CHRM3: variants seen among roughly 807,000 people sequenced by gnomAD.
CHRM3 encodes cholinergic receptor muscarinic 3.
CHRM3 carries 11 observed loss-of-function variants against 41.8 expected under a neutral mutation model. The observed-to-expected ratio is 0.26, with a 90% CI of 0.17 to 0.44. The LOEUF (loss-of-function observed/expected upper bound fraction) is 0.44, where lower values mean the gene tolerates loss of function less well. CHRM3 is among the 20% of genes least tolerant of loss of function. The pLI, the probability that CHRM3 is intolerant of heterozygous loss-of-function variation, is 1.00. For missense variants in CHRM3, 571 were observed against 745.4 expected, an observed-to-expected ratio of 0.77 and a Z score of 2.72; for synonymous variants, 297 against 301.4, an observed-to-expected ratio of 0.99 and a Z score of 0.15.
In CHRM3 at chr1:239,708,736, C is replaced by CTTTTTTTTTTTTTTTTTTTTT. The variant is rs869143310; in HGVS notation, c.-147+30455_-147+30475dup. Among the ~76,000 whole-genome samples the CTTTTTTTTTTTTTTTTTTTTT allele has an allele frequency of 5.2e-4, 25 of 48,336 alleles. 2 individuals are homozygous for CTTTTTTTTTTTTTTTTTTTTT. Among genetic ancestry groups the CTTTTTTTTTTTTTTTTTTTTT allele is most frequent in the Non-Finnish European group, 7.4e-4 (21 of 28,518 alleles). 31.7% of individuals were successfully genotyped at this position (48,336 alleles called of 152,430 possible). A position where few individuals can be genotyped will look rare whatever the true frequency, so the allele number is the denominator to read the frequency against. On this transcript the variant is annotated intron_variant, in intron 5 of 6. Transcript: ENST00000676153. The stretch of plus-strand genomic sequence containing the variant: ...CTTTGTTTCTTCTGGTTTAAATTTT[C>CTTTTTTTTTTTTTTTTTTTTT]TTTTTTTTTTTTTTTTTTTTTTTTT...
chr1:239,472,174 ATTC>A (rs1328659155), intron 1 of CHRM3, among the ~76,000 whole-genome samples: 1 of 152,188 alleles, frequency 6.6e-6, no homozygotes, highest in Non-Finnish European at 1.5e-5. Flanking sequence ...TATCTCTATT[ATTC>A]TTCTAATAGC....
chr1:239,836,368 A>G (rs963772842), intron 6 of CHRM3, among the ~76,000 whole-genome samples: 4 of 152,122 alleles, frequency 2.6e-5, no homozygotes, highest in African/African-American at 9.7e-5. Context: ...GAGCCATATC[A>G]AATCATTTTC....
intron 5 of CHRM3, among the ~76,000 whole-genome samples, chr1:239,821,144 T>C (rs2149043783): frequency 6.6e-6 from 1 of 152,232 alleles, no homozygotes; most frequent in South Asian, 2.1e-4. Context: ...CTAGAAGAAA[T>C]TATTTGTGGT....
chr1:239,591,212 C>T (rs766490423), intron 3 of CHRM3, among the ~76,000 whole-genome samples: 8 of 152,038 alleles, frequency 5.3e-5, no homozygotes, highest in African/African-American at 9.7e-5. Flanking sequence ...GTGACAATTC[C>T]GCCTCTATAA....
rs533594730 is a variant in CHRM3, at chr1:239,812,736, G to A, written c.-146-14516G>A. Among the ~76,000 whole-genome samples the A allele has an allele frequency of 6.6e-5, 10 of 152,294 alleles. No individual in the cohort carries two copies. In the East Asian group the frequency reaches 1.9e-3, roughly 29 times the overall value. ...GCCACCATGGGCTGGGTGCCTACCT[G>A]TGCCAGCCCTGTGCCAAGCACATTA... On this transcript the variant is annotated intron_variant, in intron 5 of 6. Coordinates refer to ENST00000676153, the MANE Select transcript of CHRM3 (RefSeq NM_001375978.1).
intron 1 of CHRM3, among the ~76,000 whole-genome samples, chr1:239,471,250 G>GT (rs773448669): frequency 4.9e-4 from 74 of 152,048 alleles, no homozygotes; most frequent in South Asian, 6.2e-4. Context: ...TTTTCTTTTT[G>GT]TATCAAAAAG....
At chr1:239,859,427 T>TTTTG (rs1675411484) in intron 6 of CHRM3, among the ~76,000 whole-genome samples, 1 of 145,650 alleles carries the variant, frequency 6.9e-6, no homozygotes. Flanking sequence ...TTGTTTTTTT[T>TTTTG]TTTTGTTTTT....
At chr1:239,903,187 AGATTCACAGGAT>A (rs1461813545) in intron 6 of CHRM3, among the ~76,000 whole-genome samples, 1 of 152,208 alleles carries the variant, frequency 6.6e-6, no homozygotes, top group Non-Finnish European at 1.5e-5. Context: ...GGGGCTCTTC[AGATTCACAGGAT>A]GAAATGAACT....
chr1:239,783,645 C>T (rs1283474898), intron 5 of CHRM3, among the ~76,000 whole-genome samples: 1 of 152,136 alleles, frequency 6.6e-6, no homozygotes, highest in African/African-American at 2.4e-5. Context: ...TAAAAACAGA[C>T]TCAAATTTAG....
At chr1:239,684,541 A>G (rs1490682587) in intron 5 of CHRM3, among the ~76,000 whole-genome samples, 1 of 148,776 alleles carries the variant, frequency 6.7e-6, no homozygotes, top group East Asian at 1.9e-4. Flanking sequence ...TAAAAAATGC[A>G]AAAAAATTAG....
intron 2 of CHRM3, among the ~76,000 whole-genome samples, chr1:239,511,820 A>G (rs1668942704): frequency 6.6e-6 from 1 of 152,232 alleles, no homozygotes; most frequent in African/African-American, 2.4e-5. Flanking sequence ...AAATCCTACC[A>G]TTGTCAAATG....
intron 6 of CHRM3, among the ~76,000 whole-genome samples, chr1:239,864,546 G>GCACA (rs775904989): frequency 1.2e-5 from 1 of 85,816 alleles, no homozygotes; most frequent in Non-Finnish European, 2.5e-5. Context: ...ACACACACAC[G>GCACA]CACACACACA....
At position 239,907,703 on chromosome 1, in the gene CHRM3, C is replaced by T. The variant is rs751079075; in HGVS notation, c.252C>T (p.Ile84=). Residue 84 remains isoleucine, a synonymous_variant, in exon 7 of 7, where the codon ATC becomes ATT. Transcript: ENST00000676153. The surrounding 1 kb of genome is among the most constrained non-coding windows in gnomAD (Gnocchi z 5.4). ...LTGILALVTI[I]GNILVIVSFK... ...GCATCCTGGCCTTGGTGACCATCATCGGCAACATCCTGGTAATTGTGTCAT... is the reference window on the plus strand; with the variant it reads ...GCATCCTGGCCTTGGTGACCATCATTGGCAACATCCTGGTAATTGTGTCAT... 9 of 1,614,166 alleles carry T rather than the reference C, an allele frequency of 5.6e-6. No individual in the cohort carries two copies. Among genetic ancestry groups the T allele is most frequent in the South Asian group, 1.1e-5 (1 of 91,074 alleles).
At chr1:239,804,835 C>A (rs1313726899) in intron 5 of CHRM3, among the ~76,000 whole-genome samples, 2 of 152,172 alleles carry the variant, frequency 1.3e-5, no homozygotes, top group Non-Finnish European at 2.9e-5. Context: ...CATATATTTT[C>A]CCCTTAATCT....
intron 1 of CHRM3, among the ~76,000 whole-genome samples, chr1:239,422,266 G>A (rs944418695): frequency 3.3e-5 from 5 of 152,174 alleles, no homozygotes; most frequent in Non-Finnish European, 7.4e-5. Context: ...AGGGTTGAGA[G>A]TTTTATTTTG....
At chr1:239,648,570 G>A (rs561668837) in intron 4 of CHRM3, among the ~76,000 whole-genome samples, 1 of 152,270 alleles carries the variant, frequency 6.6e-6, no homozygotes, top group African/African-American at 2.4e-5. Flanking sequence ...TGTCTGGGTA[G>A]TGGATGAGGG....
intron 3 of CHRM3, among the ~76,000 whole-genome samples, chr1:239,557,802 A>G (rs958135826): frequency 6.6e-6 from 1 of 152,170 alleles, no homozygotes; most frequent in African/African-American, 2.4e-5. Flanking sequence ...ATGTCCCTGC[A>G]AAGGACATGA....
At chr1:239,904,926 T>C (rs924597107) in intron 6 of CHRM3, among the ~76,000 whole-genome samples, 2 of 152,234 alleles carry the variant, frequency 1.3e-5, no homozygotes, top group Non-Finnish European at 2.9e-5. Flanking sequence ...TGTATTTATG[T>C]CTAACATTAT....
intron 5 of CHRM3, among the ~76,000 whole-genome samples, chr1:239,777,949 A>C (rs1668226161): frequency 6.6e-6 from 1 of 152,154 alleles, no homozygotes; most frequent in South Asian, 2.1e-4. Context: ...ATGGGGACTC[A>C]GGGAGGTCCG....
Sources: allele counts gnomAD v4.1 joint callset (sites outside exome capture counted in the v4.1 genomes callset), GRCh38; gene constraint gnomAD v4.1.1; non-coding constraint Gnocchi (gnomAD v3.1); transcripts MANE v1.5; gene names NCBI Gene and HGNC (gene_info 2026-07-23, HGNC 2026-07-21).